TMEM170B: variants seen among roughly 807,000 people sequenced by gnomAD.
TMEM170B encodes transmembrane protein 170B.
A neutral mutation model predicts 13.0 loss-of-function variants in TMEM170B; 6 were observed. The observed-to-expected ratio is 0.46, with a 90% CI of 0.25 to 0.91. The LOEUF (loss-of-function observed/expected upper bound fraction) is 0.91. TMEM170B is among the 40% of genes least tolerant of loss of function. The pLI, the probability that TMEM170B is intolerant of heterozygous loss-of-function variation, is 0.17. For synonymous variants in TMEM170B, 61 were observed against 64.9 expected (o/e 0.94, Z 0.29); for missense variants, 138 against 165.2 (o/e 0.84, Z 0.90).
intron 2 of TMEM170B, among the ~76,000 whole-genome samples, chr6:11,574,289 A>G (rs182377026): frequency 6.6e-6 from 1 of 152,170 alleles, no homozygotes; most frequent in Admixed American, 6.5e-5. Context: ...ATTTTAAAAC[A>G]TGTATATGAA....
intron 2 of TMEM170B, among the ~76,000 whole-genome samples, chr6:11,572,037 C>T (rs1464393333): frequency 2.0e-5 from 3 of 152,126 alleles, no homozygotes; most frequent in Non-Finnish European, 4.4e-5. Flanking sequence ...AAGGATGTCA[C>T]CTGCCTCTGA....
chr6:11,546,023 A>G (rs1759435611), intron 1 of TMEM170B, among the ~76,000 whole-genome samples: 1 of 149,978 alleles, frequency 6.7e-6, no homozygotes. Context: ...AAAAAAAAAA[A>G]AAAAAAAAAA....
chr6:11,553,940 C>T (rs1022697776), intron 1 of TMEM170B, among the ~76,000 whole-genome samples: 2 of 152,162 alleles, frequency 1.3e-5, no homozygotes, highest in Non-Finnish European at 2.9e-5. Flanking sequence ...TTATCTCTCT[C>T]TCTCTTTTAA....
Position 11,537,971 on chromosome 6 carries a change from C to G in TMEM170B, c.-307C>G, listed in dbSNP as rs1759302191. Among the ~76,000 whole-genome samples the G allele has an allele frequency of 6.6e-6, 1 of 151,400 alleles. No homozygotes were observed. Among genetic ancestry groups the G allele is most frequent in the African/African-American group, 2.4e-5 (1 of 41,332 alleles). ...GCCCCTGAGAGGGAGCGGCGGCGGC[C>G]TCCTCCGCCCCGAGTCCTCGCTCGG... On this transcript the variant is annotated 5_prime_UTR_variant, in exon 1 of 3. Transcript: ENST00000379426.
chr6:11,549,249 G>A (rs1027076268), intron 1 of TMEM170B, among the ~76,000 whole-genome samples: 2 of 152,106 alleles, frequency 1.3e-5, no homozygotes, highest in Admixed American at 6.5e-5. Flanking sequence ...TAAAGTGAGC[G>A]TATAAATTTA....
chr6:11,545,061 G>C (rs991932168), intron 1 of TMEM170B, among the ~76,000 whole-genome samples: 6 of 151,982 alleles, frequency 3.9e-5, no homozygotes, highest in Non-Finnish European at 2.9e-5. Context: ...TTTAGAAAAG[G>C]GCAGGGTCTG....
intron 2 of TMEM170B, 101 bp downstream of exon 2, chr6:11,565,937 T>C (rs1759726527): frequency 1.8e-6 from 2 of 1,124,128 alleles, no homozygotes; most frequent in East Asian, 2.4e-5. Flanking sequence ...AGATCTTTTA[T>C]GTAGATTATT....
chr6:11,571,120 TTTTCCACCCA>T (rs1759794929), intron 2 of TMEM170B, among the ~76,000 whole-genome samples: 1 of 152,084 alleles, frequency 6.6e-6, no homozygotes, highest in Admixed American at 6.6e-5. Context: ...TTTTTTCTGT[TTTTCCACCCA>T]TAGCTCTTTG....
intron 1 of TMEM170B, among the ~76,000 whole-genome samples, chr6:11,544,106 T>C (rs186099429): frequency 2.3e-4 from 35 of 152,340 alleles, no homozygotes; most frequent in African/African-American, 8.4e-4. Flanking sequence ...CAGAGTTTCC[T>C]GGACCTTTGT....
rs1225306940 is a variant in TMEM170B, at chr6:11,578,979, A to G, written c.*3418A>G. On this transcript the variant is annotated 3_prime_UTR_variant, in exon 3 of 3. Transcript: ENST00000379426. ...AACACTTCGTGTGGATCCACTATGT[A>G]AAGTGCTCTACCAAGTATTTTCTCT... is the stretch of plus-strand genomic sequence containing the variant. The G allele has an allele frequency of 2.0e-5, 3 of 152,102 alleles. No individual in the cohort carries two copies. In the East Asian group the frequency reaches 5.8e-4, roughly 29 times the overall value. The allele number at this position is 152,102 out of a possible 1,614,324, so 9.4% of individuals were successfully genotyped here.
At chr6:11,541,836 G>A (rs1759363553) in intron 1 of TMEM170B, among the ~76,000 whole-genome samples, 1 of 152,064 alleles carries the variant, frequency 6.6e-6, no homozygotes, top group Non-Finnish European at 1.5e-5. Context: ...TAGTTGGCCT[G>A]ATTTCAATAT....
intron 1 of TMEM170B, among the ~76,000 whole-genome samples, chr6:11,549,154 A>C (rs1430679903): frequency 1.3e-5 from 2 of 152,226 alleles, no homozygotes; most frequent in African/African-American, 4.8e-5. Context: ...TATCAGATGA[A>C]TAAGTCTACT....
chr6:11,540,209 C>T (rs1399769561), intron 1 of TMEM170B, among the ~76,000 whole-genome samples: 1 of 152,156 alleles, frequency 6.6e-6, no homozygotes, highest in Non-Finnish European at 1.5e-5. Context: ...TGAAGTTTGC[C>T]ACTAAGGAAG....
intron 2 of TMEM170B, 127 bp downstream of exon 2, chr6:11,565,963 C>T (rs1305110321): frequency 3.7e-6 from 3 of 820,726 alleles, no homozygotes; most frequent in Non-Finnish European, 2.0e-6. Flanking sequence ...ACACTTAACA[C>T]ACTCCATCTA....
intron 1 of TMEM170B, among the ~76,000 whole-genome samples, chr6:11,562,694 T>A (rs1759683526): frequency 6.6e-6 from 1 of 152,138 alleles, no homozygotes; most frequent in Non-Finnish European, 1.5e-5. Flanking sequence ...AAATCCACAG[T>A]ATAATATATC....
At chr6:11,574,242 A>G (rs1425630100) in intron 2 of TMEM170B, among the ~76,000 whole-genome samples, 2 of 152,170 alleles carry the variant, frequency 1.3e-5, no homozygotes, top group Non-Finnish European at 2.9e-5. Context: ...TGCAAAATAC[A>G]TAGTATATGG....
At chr6:11,551,666 A>C (rs1006776371) in intron 1 of TMEM170B, among the ~76,000 whole-genome samples, 1 of 152,240 alleles carries the variant, frequency 6.6e-6, no homozygotes, top group South Asian at 2.1e-4. Flanking sequence ...TGAAAATGTC[A>C]GTCATTATCC....
rs538747646 is a variant in TMEM170B at position 11,558,805 on chromosome 6, A to C, written c.98-6861A>C. Among the ~76,000 whole-genome samples, 7 of 152,314 alleles carry C rather than the reference A, an allele frequency of 4.6e-5. No homozygotes were observed. In the East Asian group the frequency reaches 1.3e-3, roughly 29 times the overall value. ...TGCAGAAACTGAGGAATTAGAACAT[A>C]TGTAATTGAAATGTCATTAATTGAA... On this transcript the variant is annotated intron_variant, in intron 1 of 2. Coordinates refer to ENST00000379426, the MANE Select transcript of TMEM170B (RefSeq NM_001100829.3).
chr6:11,558,121 C>T (rs142852258), intron 1 of TMEM170B, among the ~76,000 whole-genome samples: 6 of 152,278 alleles, frequency 3.9e-5, no homozygotes, highest in African/African-American at 1.4e-4. Context: ...TCATCTCCAT[C>T]CATTCCCACT....
Sources: gnomAD v4.1 joint callset for allele counts (sites outside exome capture counted in the v4.1 genomes callset) on GRCh38, gnomAD v4.1.1 for gene constraint, MANE v1.5 for transcripts, NCBI Gene and HGNC (gene_info 2026-07-23, HGNC 2026-07-21) for gene names.